Variants in MSRA observed in about 807,000 individuals in gnomAD.
MSRA encodes methionine sulfoxide reductase A.
In MSRA, 54 loss-of-function variants were observed where a neutral mutation model predicts 31.3. The ratio of observed to expected loss-of-function variants is 1.73; its 90% CI spans 1.39 to 2.17. MSRA has a LOEUF of 2.17. Ranked by LOEUF, MSRA falls within the 30% of genes most tolerant of loss-of-function variation. MSRA has a pLI of 0.00. For synonymous variants in MSRA, 169 were observed against 116.5 expected, an observed-to-expected ratio of 1.45 and a Z score of -2.90; for missense variants, 507 against 300.9, an observed-to-expected ratio of 1.69 and a Z score of -5.07.
chr8:10,129,153 G>A (rs187313038), intron 1 of MSRA, among the ~76,000 whole-genome samples: 113 of 152,230 alleles, frequency 7.4e-4, no homozygotes, highest in African/African-American at 2.5e-3. Flanking sequence ...GAGTGACGGA[G>A]ACTCTGTTTT....
chr8:10,221,553 G>T (rs1409424213), intron 2 of MSRA, among the ~76,000 whole-genome samples: 1 of 152,026 alleles, frequency 6.6e-6, no homozygotes, highest in Non-Finnish European at 1.5e-5. Flanking sequence ...ACTAGTTAAT[G>T]GCCTGGCACT....
rs542722363 is a variant in MSRA, at chr8:10,358,851, C to G, written c.543+38862C>G. ...TCGTGATCCGCCCGCCTCGGCCTCC[C>G]AAAGTGCTGGGATTACAGGCGTGAG... On this transcript the variant is annotated intron_variant, in intron 5 of 5. Coordinates refer to ENST00000317173, the MANE Select transcript of MSRA (RefSeq NM_012331.5). Among the ~76,000 whole-genome samples, 48 of 152,052 alleles carry G rather than the reference C, an allele frequency of 3.2e-4. 1 individual carries two copies. The highest frequency in any genetic ancestry group is 1.1e-3 in the African/African-American group (47 of 41,444).
chr8:10,363,738 C>CCACACACACACA (rs71203319), intron 5 of MSRA, among the ~76,000 whole-genome samples: 4,847 of 103,266 alleles, frequency 0.047, 283 homozygotes, highest in Middle Eastern at 0.061. Flanking sequence ...GATGCAGTCA[C>CCACACACACACA]CACACACACA....
intron 1 of MSRA, among the ~76,000 whole-genome samples, chr8:10,107,680 T>C (rs986320644): frequency 1.3e-5 from 2 of 152,182 alleles, no homozygotes; most frequent in South Asian, 2.1e-4. Flanking sequence ...GAGTTTTACT[T>C]CCAAGAGAGC....
At chr8:10,361,316 C>G (rs1234824710) in intron 5 of MSRA, among the ~76,000 whole-genome samples, 1 of 152,200 alleles carries the variant, frequency 6.6e-6, no homozygotes, top group Non-Finnish European at 1.5e-5. Flanking sequence ...CATCTGCCTC[C>G]ACCAAAAGGC....
chr8:10,167,169 C>A lies in MSRA; in HGVS notation c.143-40664C>A, dbSNP rs75317853. The stretch of plus-strand genomic sequence containing the variant: ...CATGCCAGGAATTAAAATGTTTTGT[C>A]TGGAAACAAGTGAGCTTGACTAACG... On this transcript the variant is annotated intron_variant, in intron 1 of 5. Transcript: ENST00000317173. 7.0e-3 allele frequency among the ~76,000 whole-genome samples: 1,070 copies of A among 152,282 alleles called. 21 individuals carry two copies. The highest frequency in any genetic ancestry group is 0.025 in the African/African-American group (1,025 of 41,556).
At chr8:10,343,849 A>C (rs4841323) in intron 5 of MSRA, among the ~76,000 whole-genome samples, 131,745 of 152,166 alleles carry the variant, frequency 0.87, 57,373 homozygotes, top group South Asian at 0.93. Context: ...ATCTACCCAA[A>C]CAAAGAAAAT....
intron 1 of MSRA, among the ~76,000 whole-genome samples, chr8:10,156,937 T>C (rs1265600145): frequency 6.6e-6 from 1 of 151,420 alleles, no homozygotes; most frequent in Non-Finnish European, 1.5e-5. Flanking sequence ...CTGTCATTTA[T>C]GAAGACCTAC....
chr8:10,100,842 T>A (rs765869829), intron 1 of MSRA, among the ~76,000 whole-genome samples: 1 of 152,208 alleles, frequency 6.6e-6, no homozygotes, highest in Non-Finnish European at 1.5e-5. Context: ...TAAGAATCTC[T>A]CAGTCTTACA....
chr8:10,382,097 A>G (rs901881462), intron 5 of MSRA, among the ~76,000 whole-genome samples: 1 of 152,208 alleles, frequency 6.6e-6, no homozygotes, highest in East Asian at 1.9e-4. Context: ...GGCTTTCTAG[A>G]AGCTCTACTG....
At chr8:10,324,491 C>T (rs1012288384) in intron 5 of MSRA, among the ~76,000 whole-genome samples, 6 of 152,162 alleles carry the variant, frequency 3.9e-5, no homozygotes, top group African/African-American at 1.4e-4. Flanking sequence ...CCGGGAGCTG[C>T]TCTCACCTTT....
chr8:10,137,651 G>A (rs372953530), intron 1 of MSRA, among the ~76,000 whole-genome samples: 1 of 152,186 alleles, frequency 6.6e-6, no homozygotes, highest in African/African-American at 2.4e-5. Context: ...TAAAGTGGGA[G>A]ACCCCACTTC....
intron 4 of MSRA, among the ~76,000 whole-genome samples, chr8:10,306,079 A>G (rs1801124951): frequency 6.6e-6 from 1 of 152,130 alleles, no homozygotes; most frequent in East Asian, 1.9e-4. Flanking sequence ...GCAGGTGTAC[A>G]TTCCTGGCCA....
chr8:10,116,549 C>T (rs1283753521), intron 1 of MSRA, among the ~76,000 whole-genome samples: 1 of 152,194 alleles, frequency 6.6e-6, no homozygotes, highest in African/African-American at 2.4e-5. Context: ...AGGCTGGTAG[C>T]CATCTAGATA....
At chr8:10,351,739 A>G (rs1168279530) in intron 5 of MSRA, among the ~76,000 whole-genome samples, 1 of 152,226 alleles carries the variant, frequency 6.6e-6, no homozygotes, top group Non-Finnish European at 1.5e-5. Context: ...AGTGAGATGA[A>G]TAGAAGGCAG....
At chr8:10,105,749 G>A (rs557433355) in intron 1 of MSRA, among the ~76,000 whole-genome samples, 1 of 152,300 alleles carries the variant, frequency 6.6e-6, no homozygotes, top group African/African-American at 2.4e-5. Context: ...TGGGGCAAGT[G>A]GATTGAGTTG....
chr8:10,116,073 C>T (rs975020035), intron 1 of MSRA, among the ~76,000 whole-genome samples: 2 of 152,038 alleles, frequency 1.3e-5, no homozygotes, highest in African/African-American at 4.8e-5. Flanking sequence ...GGTAGCTTGG[C>T]GGTCTGCCCT....
intron 1 of MSRA, among the ~76,000 whole-genome samples, chr8:10,132,666 A>G (rs1403963076): frequency 1.3e-5 from 2 of 152,208 alleles, no homozygotes; most frequent in Non-Finnish European, 2.9e-5. Context: ...TGATGGATCC[A>G]CCTGGTATAT....
chr8:10,124,331 C>CA (rs772999632), intron 1 of MSRA, among the ~76,000 whole-genome samples: 2 of 152,254 alleles, frequency 1.3e-5, no homozygotes, highest in South Asian at 2.1e-4. Context: ...GCATGGGCCT[C>CA]AAAGGGCTTT....
Sources: gnomAD v4.1 joint callset for allele counts (sites outside exome capture counted in the v4.1 genomes callset) on GRCh38, gnomAD v4.1.1 for gene constraint, MANE v1.5 for transcripts, NCBI Gene and HGNC (gene_info 2026-07-23, HGNC 2026-07-21) for gene names.